Variants in PAPLN observed in about 807,000 individuals in gnomAD.
PAPLN encodes the protein papilin, proteoglycan like sulfated glycoprotein.
A neutral mutation model predicts 159.0 loss-of-function variants in PAPLN; 146 were observed. The ratio of observed to expected loss-of-function variants is 0.92; its 90% confidence interval spans 0.80 to 1.05. The LOEUF is 1.05. Ranked by LOEUF, PAPLN falls within the 50% of genes least tolerant of loss-of-function variation. The pLI is 0.00. For synonymous variants in PAPLN, 734 were observed against 702.9 expected (o/e 1.04, Z -0.70); for missense variants, 1,720 against 1,743.9 (o/e 0.99, Z 0.24).
At chr14:73,236,129 A>T (rs1454250101), upstream of PAPLN, among the ~76,000 whole-genome samples, 1 of 135,978 alleles carries the variant, frequency 7.4e-6, no homozygotes. Flanking sequence ...CCTCGTGTCC[A>T]GGACCAGTTT....
intron 1 of PAPLN, among the ~76,000 whole-genome samples, chr14:73,237,993 G>A (rs998443131): frequency 1.3e-5 from 2 of 152,148 alleles, no homozygotes; most frequent in African/African-American, 4.8e-5. Flanking sequence ...AGCGGCTGCC[G>A]GCACCTGCGC....
Position 73,274,455 on chromosome 14 carries a change from C to T in PAPLN, c.*1791C>T, listed in dbSNP as rs1887980687. On this transcript the variant is annotated 3_prime_UTR_variant, in exon 27 of 27. Coordinates refer to ENST00000644200, the MANE Select transcript of PAPLN (RefSeq NM_001365906.3). Reference sequence around the variant, plus strand: ...TGGCTGGAAAAGGGACAAACCACATCACGGGTGAGTGATACTTCTCAGTCT... The same window carrying T: ...TGGCTGGAAAAGGGACAAACCACATTACGGGTGAGTGATACTTCTCAGTCT... 6.6e-6 allele frequency: 1 copy of T among 152,222 alleles called. No homozygotes were observed. The highest frequency in any genetic ancestry group is 1.5e-5 in the Non-Finnish European group (1 of 68,048). 9.4% of individuals were successfully genotyped at this position (152,222 alleles called of 1,614,324 possible).
chr14:73,256,335 C>T lies in PAPLN; in HGVS notation c.1627+1317C>T, dbSNP rs559686851. On this transcript the variant is annotated intron_variant, in intron 14 of 26. Transcript: ENST00000644200. ...CACTTGAAACCAGGAGTTCGAGACC[C>T]GCCTGGCCAACATTGTGAAATCCCG... 3.1e-3 allele frequency among the ~76,000 whole-genome samples: 463 copies of T among 151,174 alleles called. 3 individuals carry two copies. The highest frequency in any genetic ancestry group is 0.011 in the African/African-American group (432 of 41,136).
Position 73,259,482 on chromosome 14 carries a change from G to A in PAPLN, c.1922G>A (p.Gly641Asp), listed in dbSNP as rs770481843. 1 of 1,607,866 alleles carries A rather than the reference G, an allele frequency of 6.2e-7. No individual in the cohort carries two copies. Among genetic ancestry groups the A allele is most frequent in the Non-Finnish European group, 8.5e-7 (1 of 1,177,514 alleles). ...RHSPHGCCPD[G>D]HTASLGPQWQ... ...AGTCCTCACGGGTGCTGCCCCGATG[G>A]CCACACGGCATCTCTCGGGCCTCAG... The change falls in exon 16 of 27, where the codon GGC becomes GAC. Residue 641 changes from glycine to aspartate, a missense_variant. By Grantham distance (94) the Gly-to-Asp change is moderately conservative. Coordinates refer to ENST00000644200, the MANE Select transcript of PAPLN (RefSeq NM_001365906.3).
rs151048072 is a variant in PAPLN at position 73,259,352 on chromosome 14, G to A, written c.1792G>A (p.Asp598Asn). The change falls in exon 16 of 27, where the codon GAC (aspartate) becomes AAC (asparagine). Residue 598 changes from aspartate to asparagine, a missense_variant. By Grantham distance (23) the Asp-to-Asn change is conservative. Transcript: ENST00000644200. ...HRGERGDPRG[D>N]QGTHLSALGP... is the part of the protein sequence containing the mutation. ...GGGAGAACGAGGTGACCCCAGGGGCGACCAAGGCACCCACCTGTCAGCCCT... is the reference window on the plus strand; with the variant it reads ...GGGAGAACGAGGTGACCCCAGGGGCAACCAAGGCACCCACCTGTCAGCCCT... The A allele has an allele frequency of 2.7e-4, 438 of 1,611,396 alleles. 3 individuals carry two copies. The South Asian group carries it at 4.5e-3, about 16-fold the overall frequency.
chr14:73,244,809 C>G, intron 3 of PAPLN, 50 bp downstream of exon 3: 1 of 1,436,188 alleles, frequency 7.0e-7, no homozygotes, highest in Non-Finnish European at 9.4e-7. Flanking sequence ...GCAGGGGATG[C>G]TGCCTTCTGG....
At position 73,268,802 on chromosome 14, in the gene PAPLN, CTGAG is replaced by C. The variant is rs1330436766; in HGVS notation, c.3667+80_3667+83del. The C allele has an allele frequency of 1.2e-5, 17 of 1,437,242 alleles. No homozygotes were observed. The East Asian group carries it at 4.3e-4, about 36-fold the overall frequency. 89.0% of individuals were successfully genotyped at this position (1,437,242 alleles called of 1,614,324 possible). ...GGTTCTCAAGGGCTGGCTCTGCAGT[CTGAG>C]GGACTCTGGTTTGAATCCTGGCTCA... On this transcript the variant is annotated intron_variant, in intron 26 of 26. Transcript: ENST00000644200.
chr14:73,246,160 C>G lies in PAPLN; in HGVS notation c.319C>G (p.Leu107Val), dbSNP rs1301558532. The G allele has an allele frequency of 6.3e-7, 1 of 1,589,302 alleles. No individual in the cohort carries two copies. ...GTTCCAGGGGCGGCGGTATCGGTGG[C>G]TGCCCTACTACAGCGGTGAGCGCGG... ...AEFQGRRYRW[L>V]PYYSAPNKCE... The change falls in exon 5 of 27, where the codon CTG becomes GTG. Residue 107 changes from leucine (L) to valine (V), a missense_variant. Coordinates refer to ENST00000644200, the MANE Select transcript of PAPLN (RefSeq NM_001365906.3).
At chr14:73,270,147 C>T (rs997792519) in intron 26 of PAPLN, among the ~76,000 whole-genome samples, 5 of 152,236 alleles carry the variant, frequency 3.3e-5, no homozygotes, top group Admixed American at 6.5e-5. Flanking sequence ...CAGCCCGCCG[C>T]CTTGACCTCT....
At chr14:73,268,462 G>A (rs572288316) in intron 25 of PAPLN, 95 bp from the exon 26 acceptor site, 13 of 1,313,008 alleles carry the variant, frequency 9.9e-6, no homozygotes, top group South Asian at 4.4e-5. Flanking sequence ...GGGTGGGAAC[G>A]GTTGGCTCTG....
chr14:73,261,243 G>A lies in PAPLN; in HGVS notation c.2194G>A (p.Ala732Thr), dbSNP rs777870531. 4.3e-6 allele frequency: 7 copies of A among 1,613,668 alleles called. No individual in the cohort carries two copies. Among genetic ancestry groups the A allele is most frequent in the Non-Finnish European group, 5.1e-6 (6 of 1,180,014 alleles). ...GTTTGGCTGTTGCTATGACAACGTGGCCACTGCAGCCGGTCCTCTTGGGGA... is the reference window on the plus strand; with the variant it reads ...GTTTGGCTGTTGCTATGACAACGTGACCACTGCAGCCGGTCCTCTTGGGGA... ...SQFGCCYDNV[A>T]TAAGPLGEGC... The change falls in exon 18 of 27, where the codon GCC (alanine) becomes ACC (threonine). Residue 732 changes from alanine (A) to threonine (T), a missense_variant. Transcript: ENST00000644200.
At chr14:73,251,604 C>A in intron 8 of PAPLN, 38 bp downstream of exon 8, 1 of 1,613,316 alleles carries the variant, frequency 6.2e-7, no homozygotes, top group Non-Finnish European at 8.5e-7. Flanking sequence ...AGGTCTGGGG[C>A]TGCAGGGGGA....
Position 73,266,528 on chromosome 14 carries a change from G to A in PAPLN, c.3291G>A (p.Leu1097=), listed in dbSNP as rs1234597545. ...ACCAGCTGCAGCCTGATGGCTCCCT[G>A]GTCATTAGCCGAGTGGCTGTAGAAG... is the stretch of plus-strand genomic sequence containing the variant. ...PRHQLQPDGS[L]VISRVAVEDG... The change falls in exon 24 of 27, where the codon CTG becomes CTA. Residue 1097 remains leucine, a synonymous_variant. Transcript: ENST00000644200. 2 of 1,614,112 alleles carry A rather than the reference G, an allele frequency of 1.2e-6. No individual in the cohort carries two copies. Among genetic ancestry groups the A allele is most frequent in the South Asian group, 1.1e-5 (1 of 91,060 alleles).
At chr14:73,270,736 A>T (rs1887643478) in intron 26 of PAPLN, among the ~76,000 whole-genome samples, 1 of 152,174 alleles carries the variant, frequency 6.6e-6, no homozygotes, top group African/African-American at 2.4e-5. Context: ...AACTTGCCTG[A>T]TACCTGGTCA....
At chr14:73,254,485 G>A in intron 12 of PAPLN, 28 bp from the exon 13 acceptor site, 5 of 1,610,892 alleles carry the variant, frequency 3.1e-6, no homozygotes, top group Non-Finnish European at 4.2e-6. Context: ...GCAAGGCCGA[G>A]CTTCTGCTGA....
intron 18 of PAPLN, 59 bp downstream of exon 18, chr14:73,261,353 C>T: frequency 6.4e-7 from 1 of 1,574,612 alleles, no homozygotes; most frequent in Non-Finnish European, 8.6e-7. Flanking sequence ...CACCATGCCT[C>T]CAGCCCCCAC....
chr14:73,238,101 A>G (rs1883166574), intron 1 of PAPLN, among the ~76,000 whole-genome samples: 1 of 152,078 alleles, frequency 6.6e-6, no homozygotes, highest in African/African-American at 2.4e-5. Flanking sequence ...TCAGGGCTGG[A>G]CCGATGCAGA....
intron 26 of PAPLN, 108 bp from the exon 27 acceptor site, chr14:73,272,387 T>G: frequency 9.1e-7 from 1 of 1,096,134 alleles, no homozygotes; most frequent in Non-Finnish European, 1.3e-6. Context: ...GTTTTCAATC[T>G]GGCAGTTATA....
intron 22 of PAPLN, 118 bp downstream of exon 22, chr14:73,264,844 C>T: frequency 1.3e-6 from 2 of 1,496,862 alleles, no homozygotes; most frequent in South Asian, 1.3e-5. Flanking sequence ...CTGCTCAGGG[C>T]TCTGGGAGGC....
Sources: gnomAD v4.1 joint callset for allele counts (sites outside exome capture counted in the v4.1 genomes callset) on GRCh38, gnomAD v4.1.1 for gene constraint, MANE v1.5 for transcripts, NCBI Gene and HGNC (gene_info 2026-07-23, HGNC 2026-07-21) for gene names.